Variants in MYO1E observed in about 807,000 individuals in gnomAD.
The protein encoded by MYO1E is unconventional myosin-Ie.
Under a neutral mutation model 151.1 loss-of-function variants are expected in MYO1E, and 68 were observed. The observed-to-expected ratio is 0.45, with a 90% CI of 0.37 to 0.55. The LOEUF is 0.55. Among genes scored for constraint, MYO1E ranks in the 20% least tolerant of loss-of-function variants. MYO1E has a pLI of 0.00. For missense variants in MYO1E, 1,363 were observed against 1,389.3 expected, an observed-to-expected ratio of 0.98 and a Z score of 0.30; for synonymous variants, 601 against 501.7, an observed-to-expected ratio of 1.20 and a Z score of -2.64.
chr15:59,165,373 C>T (rs141324422), intron 22 of MYO1E, among the ~76,000 whole-genome samples: 6 of 152,282 alleles, frequency 3.9e-5, no homozygotes, highest in East Asian at 1.9e-4. Flanking sequence ...TTCCCTTGGA[C>T]GTAAAGTCAG....
At chr15:59,151,037 ACACACACACACACGCGCG>A (rs2079473473) in intron 26 of MYO1E, among the ~76,000 whole-genome samples, 2 of 122,728 alleles carry the variant, frequency 1.6e-5, no homozygotes, top group Non-Finnish European at 3.1e-5. Flanking sequence ...ACACACACAC[ACACACACACACACGCGCG>A]CGCGCGCACG....
At chr15:59,252,208 C>T (rs866365359) in intron 4 of MYO1E, among the ~76,000 whole-genome samples, 1 of 152,122 alleles carries the variant, frequency 6.6e-6, no homozygotes, top group Non-Finnish European at 1.5e-5. Context: ...TTTTAAAGAA[C>T]TATAGGCACT....
intron 18 of MYO1E, among the ~76,000 whole-genome samples, chr15:59,184,086 GC>G (rs1459728348): frequency 6.6e-6 from 1 of 152,280 alleles, no homozygotes; most frequent in South Asian, 2.1e-4. Flanking sequence ...TCGGCTCACT[GC>G]AACCTCTGCC....
chr15:59,296,807 C>T (rs146572207), intron 1 of MYO1E, among the ~76,000 whole-genome samples: 1 of 150,370 alleles, frequency 6.7e-6, no homozygotes, highest in African/African-American at 2.4e-5. Context: ...ACAACAGTTA[C>T]ACAAATATAC....
At chr15:59,303,473 G>A (rs1398701671) in intron 1 of MYO1E, among the ~76,000 whole-genome samples, 1 of 152,098 alleles carries the variant, frequency 6.6e-6, no homozygotes, top group Non-Finnish European at 1.5e-5. Context: ...AAGTTGCAGT[G>A]AGCCGAGACC....
intron 1 of MYO1E, among the ~76,000 whole-genome samples, chr15:59,331,513 A>G (rs550608138): frequency 3.9e-5 from 6 of 152,360 alleles, no homozygotes; most frequent in South Asian, 2.1e-4. Context: ...AAACGGCAAG[A>G]AAAAGATCAG....
intron 1 of MYO1E, among the ~76,000 whole-genome samples, chr15:59,329,906 TTC>T (rs1355060256): frequency 6.6e-6 from 1 of 152,218 alleles, no homozygotes; most frequent in Non-Finnish European, 1.5e-5. Context: ...GGGAAAAAAC[TTC>T]TCTCTTTTAA....
intron 1 of MYO1E, among the ~76,000 whole-genome samples, chr15:59,333,003 T>C (rs555592961): frequency 9.2e-5 from 14 of 152,182 alleles, no homozygotes; most frequent in Admixed American, 4.6e-4. Flanking sequence ...TGGACAGAGA[T>C]GTGCATTCCA....
chr15:59,186,436 A>G (rs2079698353), intron 18 of MYO1E, among the ~76,000 whole-genome samples: 1 of 151,970 alleles, frequency 6.6e-6, no homozygotes, highest in Non-Finnish European at 1.5e-5. Context: ...CAGCCCCTGC[A>G]TAATATATCA....
chr15:59,314,975 T>C (rs78378165), intron 1 of MYO1E, among the ~76,000 whole-genome samples: 126 of 152,312 alleles, frequency 8.3e-4, no homozygotes, highest in Non-Finnish European at 1.6e-3. Flanking sequence ...GCTGGAAATC[T>C]GGATTTCCAT....
intron 1 of MYO1E, among the ~76,000 whole-genome samples, chr15:59,300,793 G>A (rs1488565141): frequency 2.0e-5 from 3 of 151,686 alleles, no homozygotes; most frequent in Admixed American, 6.6e-5. Context: ...CTAGCCAAAC[G>A]ATAAAATCAC....
chr15:59,319,496 T>C (rs2080611023), intron 1 of MYO1E, among the ~76,000 whole-genome samples: 1 of 140,824 alleles, frequency 7.1e-6, no homozygotes, highest in South Asian at 2.3e-4. Context: ...GCCAGAGCTA[T>C]CAGGCAAGAG....
At chr15:59,329,935 A>G (rs2080688375) in intron 1 of MYO1E, among the ~76,000 whole-genome samples, 2 of 152,218 alleles carry the variant, frequency 1.3e-5, no homozygotes, top group African/African-American at 4.8e-5. Flanking sequence ...ACCCAGTCAG[A>G]TTATCTCAGT....
chr15:59,345,583 C>T (rs1313079025), intron 1 of MYO1E, among the ~76,000 whole-genome samples: 2 of 152,216 alleles, frequency 1.3e-5, no homozygotes, highest in Non-Finnish European at 1.5e-5. Flanking sequence ...TTTTCATCTG[C>T]TGTCAAAAAA....
intron 18 of MYO1E, among the ~76,000 whole-genome samples, chr15:59,179,475 T>A (rs186495170): frequency 2.0e-5 from 3 of 152,166 alleles, no homozygotes; most frequent in Non-Finnish European, 2.9e-5. Context: ...ACAGCAGTCA[T>A]AATGAACATT....
At chr15:59,146,464 T>C (rs1566963764) in intron 26 of MYO1E, among the ~76,000 whole-genome samples, 1 of 151,974 alleles carries the variant, frequency 6.6e-6, no homozygotes, top group Non-Finnish European at 1.5e-5. Flanking sequence ...TATAGGCACC[T>C]GCCACCACGC....
At position 59,138,375 on chromosome 15, in the gene MYO1E, G is replaced by T. The variant is rs760689661; in HGVS notation, c.3081-8C>A. ...GTTGTTTGTCTCCTGACCCTGTGGAGAGAGTGGAGCAGATGAGACTGGGCC... is the reference window on the plus strand; with the variant it reads ...GTTGTTTGTCTCCTGACCCTGTGGATAGAGTGGAGCAGATGAGACTGGGCC... On this transcript the variant is annotated splice_polypyrimidine_tract_variant and splice_region_variant and intron_variant, in intron 26 of 27. Coordinates refer to ENST00000288235, the MANE Select transcript of MYO1E (RefSeq NM_004998.4). 1.2e-6 allele frequency: 2 copies of T among 1,613,868 alleles called. No individual in the cohort carries two copies. Among genetic ancestry groups the T allele is most frequent in the South Asian group, 2.2e-5 (2 of 91,068 alleles).
At chr15:59,279,827 C>T (rs531050374) in intron 1 of MYO1E, among the ~76,000 whole-genome samples, 8 of 152,178 alleles carry the variant, frequency 5.3e-5, no homozygotes, top group Non-Finnish European at 8.8e-5. Context: ...TTTGATTGAA[C>T]GTATGATAGT....
chr15:59,151,962 G>A (rs2079483164), intron 26 of MYO1E, among the ~76,000 whole-genome samples: 1 of 152,028 alleles, frequency 6.6e-6, no homozygotes, highest in Admixed American at 6.6e-5. Context: ...TGGCTACTCG[G>A]GAGGCTGAGG....
Sources: allele counts gnomAD v4.1 joint callset (sites outside exome capture counted in the v4.1 genomes callset), GRCh38; gene constraint gnomAD v4.1.1; transcripts MANE v1.5; gene names NCBI Gene and HGNC (gene_info 2026-07-23, HGNC 2026-07-21).